Variants in CYREN observed in about 807,000 individuals in gnomAD.
The protein encoded by CYREN is cell cycle regulator of NHEJ, also known as cell cycle regulator of non-homologous end joining.
CYREN carries 7 observed loss-of-function variants against 9.7 expected under a neutral mutation model. The observed-to-expected ratio is 0.72, with a 90% CI of 0.41 to 1.36. CYREN has a LOEUF of 1.36. Among genes scored for constraint, CYREN ranks in the 40% most tolerant of loss-of-function variants. The probability of loss-of-function intolerance (pLI) is 0.01; values close to 1 mark genes in which losing one functional copy is unlikely to be tolerated. For synonymous variants in CYREN, 76 were observed against 77.9 expected (o/e 0.98, Z 0.13); for missense variants, 215 against 198.1 (o/e 1.09, Z -0.51).
intron 2 of CYREN, chr7:135,129,461 GAAAAACTTC>G: frequency 1.3e-6 from 1 of 777,392 alleles, no homozygotes; most frequent in Non-Finnish European, 2.4e-6. Flanking sequence ...AGTGGCTAGA[GAAAAACTTC>G]AAGAACTGAC....
At chr7:135,108,019 A>G (rs1825020443) in intron 2 of CYREN, among the ~76,000 whole-genome samples, 1 of 151,878 alleles carries the variant, frequency 6.6e-6, no homozygotes, top group African/African-American at 2.4e-5. Flanking sequence ...GGTGGTCTGA[A>G]ATTAGGATTG....
At chr7:135,105,110 C>G (rs992499415) in intron 2 of CYREN, among the ~76,000 whole-genome samples, 1 of 136,570 alleles carries the variant, frequency 7.3e-6, no homozygotes, top group African/African-American at 2.7e-5. Flanking sequence ...TGCTCTTTCA[C>G]CCAGGCTGGA....
intron 2 of CYREN, among the ~76,000 whole-genome samples, chr7:135,123,623 A>C (rs1827448085): frequency 6.6e-6 from 1 of 152,156 alleles, no homozygotes; most frequent in Admixed American, 6.5e-5. Flanking sequence ...GAAGGAAAAA[A>C]TGTTAAGGGC....
intron 2 of CYREN, among the ~76,000 whole-genome samples, chr7:135,105,858 T>C (rs1246154760): frequency 2.0e-5 from 3 of 152,256 alleles, no homozygotes; most frequent in Non-Finnish European, 4.4e-5. Flanking sequence ...ACATTGATTC[T>C]TCTGACCCAT....
intron 2 of CYREN, among the ~76,000 whole-genome samples, chr7:135,124,801 C>T (rs774796693): frequency 4.6e-5 from 7 of 152,024 alleles, no homozygotes; most frequent in African/African-American, 1.2e-4. Flanking sequence ...AATGACTCCT[C>T]GGTAAATAAT....
chr7:135,130,362 T>G (rs1268058949), intron 2 of CYREN, among the ~76,000 whole-genome samples: 1 of 152,164 alleles, frequency 6.6e-6, no homozygotes, highest in Non-Finnish European at 1.5e-5. Context: ...GTGTATATGC[T>G]CCACTGGTTT....
chr7:135,114,634 G>GT (rs1826070941), intron 2 of CYREN, among the ~76,000 whole-genome samples: 1 of 151,892 alleles, frequency 6.6e-6, no homozygotes, highest in African/African-American at 2.4e-5. Flanking sequence ...TATGTACCCA[G>GT]AATACTCCCA....
chr7:135,171,115 T>A (rs750088939), upstream of CYREN, among the ~76,000 whole-genome samples: 4 of 152,224 alleles, frequency 2.6e-5, no homozygotes, highest in Non-Finnish European at 5.9e-5. Flanking sequence ...CGGTTTGTTA[T>A]CCTAATTAAG....
At chr7:135,135,492 A>G (rs1829307005) in intron 2 of CYREN, 1 of 318,206 alleles carries the variant, frequency 3.1e-6, no homozygotes, top group Non-Finnish European at 5.5e-6. Flanking sequence ...AGATATTTAT[A>G]TTTAGTTTTT....
chr7:135,106,788 G>C (rs1824790214), intron 2 of CYREN, among the ~76,000 whole-genome samples: 1 of 152,172 alleles, frequency 6.6e-6, no homozygotes, highest in Non-Finnish European at 1.5e-5. Flanking sequence ...AGTAGGAATG[G>C]TACCAGCTCG....
chr7:135,158,536 A>G (rs1284483480), intron 2 of CYREN, among the ~76,000 whole-genome samples: 2 of 152,158 alleles, frequency 1.3e-5, no homozygotes, highest in African/African-American at 2.4e-5. Context: ...CTTGTCCTAG[A>G]TATGTGTAGG....
intron 2 of CYREN, among the ~76,000 whole-genome samples, chr7:135,133,276 A>T (rs1364664588): frequency 6.6e-6 from 1 of 152,218 alleles, no homozygotes; most frequent in Non-Finnish European, 1.5e-5. Context: ...TGAATAAGAG[A>T]AATTTTAAAA....
At chr7:135,165,677 G>A (rs1315706188), downstream of CYREN, 2 of 167,098 alleles carry the variant, frequency 1.2e-5, no homozygotes, top group Non-Finnish European at 2.9e-5. Flanking sequence ...AGACCCTGGA[G>A]GACTCCAAAT....
At chr7:135,170,820 C>A (rs1007184150), upstream of CYREN, 1 of 152,070 alleles carries the variant, frequency 6.6e-6, no homozygotes, top group Non-Finnish European at 1.5e-5. Flanking sequence ...GCGCCCGGGA[C>A]ACTTCCGGCT....
chr7:135,162,271 C>T (rs1194011976), downstream of CYREN, among the ~76,000 whole-genome samples: 1 of 152,176 alleles, frequency 6.6e-6, no homozygotes, highest in Non-Finnish European at 1.5e-5. Flanking sequence ...AGGTCCCTTC[C>T]CAGGGCCACG....
chr7:135,147,589 G>A (rs1376543931), intron 2 of CYREN, among the ~76,000 whole-genome samples: 3 of 152,166 alleles, frequency 2.0e-5, no homozygotes, highest in Admixed American at 1.3e-4. Context: ...CCTAAACACT[G>A]CAGTGAGAAT....
intron 2 of CYREN, among the ~76,000 whole-genome samples, chr7:135,138,056 C>A (rs1248887357): frequency 1.3e-5 from 2 of 151,896 alleles, no homozygotes; most frequent in East Asian, 3.9e-4. Flanking sequence ...ACCATAACAA[C>A]CGCTGACTAC....
intron 2 of CYREN, among the ~76,000 whole-genome samples, chr7:135,147,302 C>T (rs6945666): frequency 0.49 from 73,662 of 151,876 alleles, 18,227 homozygotes; most frequent in South Asian, 0.66. Flanking sequence ...TTTAAAAGAA[C>T]TAGGGGCAGG....
chr7:135,155,627 C>T (rs1364751), intron 2 of CYREN, among the ~76,000 whole-genome samples: 145,345 of 152,264 alleles, frequency 0.95, 69,685 homozygotes, highest in Non-Finnish European at 1. Flanking sequence ...CAGGCAGGGG[C>T]ATTAATTGAT....
Sources: allele counts gnomAD v4.1 joint callset (sites outside exome capture counted in the v4.1 genomes callset), GRCh38; gene constraint gnomAD v4.1.1; transcripts MANE v1.5; gene names NCBI Gene and HGNC (gene_info 2026-07-23, HGNC 2026-07-21).